SNRPN: variants seen among roughly 807,000 people sequenced by gnomAD.
The protein encoded by SNRPN is small nuclear ribonucleoprotein polypeptide N.
In SNRPN, 7 loss-of-function variants were observed where a neutral mutation model predicts 25.2. That is an observed-to-expected ratio of 0.28 (90% CI 0.16 to 0.52). The LOEUF (loss-of-function observed/expected upper bound fraction) is 0.52. Among genes scored for constraint, SNRPN ranks in the 20% least tolerant of loss-of-function variants. The probability of loss-of-function intolerance (pLI) is 0.96; values close to 1 mark genes in which losing one functional copy is unlikely to be tolerated. For synonymous variants in SNRPN, 124 were observed against 110.6 expected (o/e 1.12, Z -0.76); for missense variants, 196 against 322.5 (o/e 0.61, Z 3.00).
chr15:24,889,628 T>G (rs886670302), intron 2 of SNRPN, among the ~76,000 whole-genome samples: 2 of 151,980 alleles, frequency 1.3e-5, no homozygotes. Flanking sequence ...TTAAGAGAGG[T>G]GAACCAGGGA....
chr15:24,909,380 G>A (rs1190055586), intron 2 of SNRPN: 32 of 1,600,290 alleles, frequency 2.0e-5, no homozygotes, highest in Non-Finnish European at 2.6e-5. Context: ...GGCAAGGCCT[G>A]CATCCAAATA....
At chr15:24,901,890 A>G (rs987557720) in intron 2 of SNRPN, among the ~76,000 whole-genome samples, 1 of 152,226 alleles carries the variant, frequency 6.6e-6, no homozygotes, top group Non-Finnish European at 1.5e-5. Flanking sequence ...CAAAGGAATC[A>G]GAATGATCTG....
upstream of SNRPN, among the ~76,000 whole-genome samples, chr15:24,950,672 C>T (rs1218987504): frequency 1.3e-5 from 2 of 150,450 alleles, no homozygotes; most frequent in East Asian, 2.0e-4. Flanking sequence ...CTCAGCCTCC[C>T]GAGTAGCTGG....
At position 24,918,777 on chromosome 15, in the gene SNRPN, ATAAT is replaced by A. The variant is rs1354177616; in HGVS notation, c.-504-1233_-504-1230del. Among the ~76,000 whole-genome samples the A allele has an allele frequency of 3.6e-4, 11 of 30,668 alleles. 3 individuals are homozygous for A. Among genetic ancestry groups the A allele is most frequent in the Admixed American group, 7.1e-4 (2 of 2,832 alleles). 20.1% of individuals were successfully genotyped at this position (30,668 alleles called of 152,430 possible). On this transcript the variant is annotated intron_variant, in intron 2 of 11. Coordinates refer to the SNRPN transcript ENST00000400097. Reference sequence around the variant, plus strand: ...ATATATGTGTGCATATATATATAACATAATATATATGTGTGCATATATATATATA... The same window carrying A: ...ATATATGTGTGCATATATATATAACAATATATGTGTGCATATATATATATA...
intron 2 of SNRPN, among the ~76,000 whole-genome samples, chr15:24,837,349 T>C (rs1412343436): frequency 1.3e-5 from 2 of 149,708 alleles, no homozygotes; most frequent in Admixed American, 1.3e-4. Flanking sequence ...AATCATATAT[T>C]GCGACTTGAG....
chr15:24,977,806 T>C lies in SNRPN; in HGVS notation c.449T>C (p.Val150Ala). The C allele has an allele frequency of 6.2e-7, 1 of 1,613,314 alleles. No homozygotes were observed. The highest frequency in any genetic ancestry group is 1.7e-5 in the Admixed American group (1 of 59,890). ...ATGACTCCACAGGGAAGAGGCACTGTAGCAGCTGCTGCTGTTGCTGCGACT... is the reference window on the plus strand; with the variant it reads ...ATGACTCCACAGGGAAGAGGCACTGCAGCAGCTGCTGCTGTTGCTGCGACT... ...QVMTPQGRGT[V>A]AAAAVAATAS... Residue 150 changes from valine (V) to alanine (A), a missense_variant, in exon 8 of 10, where the codon GTA (valine) becomes GCA (alanine). Coordinates refer to ENST00000390687, the MANE Select transcript of SNRPN (RefSeq NM_003097.6).
At position 24,913,915 on chromosome 15, in the gene SNRPN, G is replaced by A. The variant is rs2059368373; in HGVS notation, c.-504-6096G>A. Among the ~76,000 whole-genome samples the A allele has an allele frequency of 2.0e-5, 3 of 152,152 alleles. No homozygotes were observed. In the South Asian group the frequency reaches 6.2e-4, roughly 31 times the overall value. On this transcript the variant is annotated intron_variant, in intron 2 of 11. Transcript: ENST00000400097. ...ATTTTTAGAGAAGTGAAAAGATAAA[G>A]AAAAAGGAGATTGTGTCCGTAGGGG...
chr15:24,933,506 G>A (rs950149427), intron 3 of SNRPN, among the ~76,000 whole-genome samples: 3 of 151,824 alleles, frequency 2.0e-5, no homozygotes, highest in African/African-American at 7.3e-5. Context: ...GGCTGGGCAC[G>A]GTGGCTCATG....
At chr15:24,830,838 A>C (rs760814033) in intron 2 of SNRPN, among the ~76,000 whole-genome samples, 2 of 152,080 alleles carry the variant, frequency 1.3e-5, no homozygotes, top group Non-Finnish European at 2.9e-5. Context: ...TGTTTTATGG[A>C]GGAGAATGTG....
intron 3 of SNRPN, among the ~76,000 whole-genome samples, chr15:24,941,175 A>G (rs1468683202): frequency 6.6e-6 from 1 of 151,982 alleles, no homozygotes; most frequent in Non-Finnish European, 1.5e-5. Context: ...CGGGGTTTTA[A>G]CATGTTGGCT....
At chr15:24,848,232 G>GGGGGCGGGGGCGGCGGCA in intron 2 of SNRPN, 2 of 131,608 alleles carry the variant, frequency 1.5e-5, no homozygotes, top group Non-Finnish European at 1.7e-5. Context: ...GGGCGGCGGT[G>GGGGGCGGGGGCGGCGGCA]GGGGCGGGGG....
At chr15:24,854,621 CAT>C (rs149424188), upstream of SNRPN, among the ~76,000 whole-genome samples, 3,288 of 152,302 alleles carry the variant, frequency 0.022, 61 homozygotes, top group Non-Finnish European at 0.033. Flanking sequence ...TTTATTGAAA[CAT>C]AGCATATACA....
chr15:24,884,258 C>T (rs1474523459), intron 1 of SNRPN, among the ~76,000 whole-genome samples: 6 of 151,914 alleles, frequency 3.9e-5, no homozygotes, highest in Non-Finnish European at 5.9e-5. Flanking sequence ...CGCTTGAGCC[C>T]AGAAGGTCAA....
intron 2 of SNRPN, among the ~76,000 whole-genome samples, chr15:24,890,870 C>T (rs1595730870): frequency 6.6e-6 from 1 of 152,082 alleles, no homozygotes; most frequent in South Asian, 2.1e-4. Context: ...GAAATAATCA[C>T]AACATGTGGA....
chr15:24,943,994 G>A (rs1236780878), intron 3 of SNRPN, among the ~76,000 whole-genome samples: 10 of 151,890 alleles, frequency 6.6e-5, no homozygotes, highest in African/African-American at 2.4e-4. Flanking sequence ...GCTAATTTTT[G>A]TATTTTTAGT....
At chr15:24,974,580 A>T in intron 4 of SNRPN, 124 bp downstream of exon 4, 1 of 910,728 alleles carries the variant, frequency 1.1e-6, no homozygotes, top group East Asian at 2.4e-5. Flanking sequence ...ATGGATATGG[A>T]TTCTCATTGC....
intron 3 of SNRPN, among the ~76,000 whole-genome samples, chr15:24,945,992 G>A (rs2061860299): frequency 1.3e-5 from 2 of 152,318 alleles, no homozygotes; most frequent in South Asian, 4.1e-4. Flanking sequence ...GGGCTCCAGT[G>A]CTCAATGTGT....
chr15:24,876,643 A>G (rs2055919898), intron 1 of SNRPN, among the ~76,000 whole-genome samples: 1 of 149,636 alleles, frequency 6.7e-6, no homozygotes, highest in Non-Finnish European at 1.5e-5. Context: ...AAGATGCTGT[A>G]GTAGGAAATG....
At chr15:24,918,067 T>C (rs2059641713) in intron 2 of SNRPN, among the ~76,000 whole-genome samples, 1 of 152,012 alleles carries the variant, frequency 6.6e-6, no homozygotes, top group Admixed American at 6.6e-5. Flanking sequence ...TTAAATATTT[T>C]TCAGTAAGTT....
Sources: allele counts gnomAD v4.1 joint callset (sites outside exome capture counted in the v4.1 genomes callset), GRCh38; gene constraint gnomAD v4.1.1; transcripts MANE v1.5; gene names NCBI Gene and HGNC (gene_info 2026-07-23, HGNC 2026-07-21).